The following ARID2 variants were observed in gnomAD, a reference collection of about 807,000 sequenced individuals.
ARID2 encodes the protein AT-rich interactive domain-containing protein 2.
Under a neutral mutation model 184.6 loss-of-function variants are expected in ARID2, and 32 were observed. The observed-to-expected ratio is 0.17, with a 90% CI of 0.13 to 0.23. The LOEUF is 0.23. ARID2 is among the 10% of genes least tolerant of loss of function. The pLI is 1.00. For synonymous variants in ARID2, 836 were observed against 772.6 expected, an observed-to-expected ratio of 1.08 and a Z score of -1.36; for missense variants, 1,696 against 2,197.6, an observed-to-expected ratio of 0.77 and a Z score of 4.56.
intron 3 of ARID2, among the ~76,000 whole-genome samples, chr12:45,808,603 G>A (rs1196222162): frequency 1.3e-5 from 2 of 152,086 alleles, no homozygotes; most frequent in Non-Finnish European, 2.9e-5. Flanking sequence ...AGTATATAGT[G>A]TTGTCAGTTC....
chr12:45,796,474 T>A (rs1942395535), intron 3 of ARID2, among the ~76,000 whole-genome samples: 1 of 151,882 alleles, frequency 6.6e-6, no homozygotes, highest in Non-Finnish European at 1.5e-5. Context: ...TCTATAACGA[T>A]GTCTTTGAAT....
At chr12:45,902,448 TAA>T (rs575799004) in intron 20 of ARID2, among the ~76,000 whole-genome samples, 33 of 152,294 alleles carry the variant, frequency 2.2e-4, no homozygotes, top group African/African-American at 7.9e-4. Context: ...TTTTTGAAAC[TAA>T]AGTCTTTTTT....
rs1044608814 is a variant in ARID2 at position 45,852,139 on chromosome 12, A to T, written c.4016A>T (p.Gln1339Leu). ...ELGENGASGK[Q>L]NSEQIDMQDI... Reference sequence around the variant, plus strand: ...GGTGAGAATGGAGCATCTGGGAAACAGAACTCAGAACAAATAGACATGCAA... The same window carrying T: ...GGTGAGAATGGAGCATCTGGGAAACTGAACTCAGAACAAATAGACATGCAA... The change falls in exon 15 of 21, where the codon CAG (glutamine) becomes CTG (leucine). Residue 1339 changes from glutamine to leucine, a missense_variant. By Grantham distance (113) the Gln-to-Leu change is moderately radical. Transcript: ENST00000334344. 1.2e-6 allele frequency: 2 copies of T among 1,614,056 alleles called. No homozygotes were observed. Among genetic ancestry groups the T allele is most frequent in the African/African-American group, 2.7e-5 (2 of 74,944 alleles).
rs1941329842 is a variant in ARID2, at chr12:45,745,039, T to G, written c.284+13725T>G. On this transcript the variant is annotated intron_variant, in intron 3 of 20. Transcript: ENST00000334344. Reference sequence around the variant, plus strand: ...GCACTCTTTAGAGTTTTAAGCAAACTGTTTGGTGATTTATTGATCAGTTCT... The same window carrying G: ...GCACTCTTTAGAGTTTTAAGCAAACGGTTTGGTGATTTATTGATCAGTTCT... Among the ~76,000 whole-genome samples, 5 of 152,206 alleles carry G rather than the reference T, an allele frequency of 3.3e-5. No individual in the cohort carries two copies. The South Asian group carries it at 1.0e-3, about 32-fold the overall frequency.
chr12:45,831,713 GTTGTTCTACAA>G (rs1343124800), intron 6 of ARID2, among the ~76,000 whole-genome samples: 1 of 152,110 alleles, frequency 6.6e-6, no homozygotes, highest in Non-Finnish European at 1.5e-5. Context: ...GTTCAGTTCA[GTTGTTCTACAA>G]TTTCCTGAGA....
At chr12:45,758,767 C>T (rs1406277702) in intron 3 of ARID2, among the ~76,000 whole-genome samples, 1 of 152,042 alleles carries the variant, frequency 6.6e-6, no homozygotes, top group African/African-American at 2.4e-5. Context: ...GCTAGCAGGG[C>T]AGAGTAAAAG....
At chr12:45,826,029 T>G (rs1942993727) in intron 6 of ARID2, among the ~76,000 whole-genome samples, 1 of 152,136 alleles carries the variant, frequency 6.6e-6, no homozygotes, top group Non-Finnish European at 1.5e-5. Flanking sequence ...GAACTTTTTC[T>G]TTACCTAAGA....
In ARID2 at chr12:45,731,278, C is replaced by G. The variant is rs1225141237; in HGVS notation, c.248C>G (p.Ser83Cys). The change falls in exon 3 of 21, where the codon TCT becomes TGT. Residue 83 changes from serine to cysteine, a missense_variant. Around this residue, in one of 11 missense-constraint regions of ARID2, gnomAD observed 148 missense variants for 285.4 expected, o/e 0.52. Coordinates refer to ENST00000334344, the MANE Select transcript of ARID2 (RefSeq NM_152641.4). The part of the protein sequence containing the change: ...VEEFNFPRSC[S>C]NAAFALKQYY... ...GAGTTCAACTTTCCCAGAAGTTGTT[C>G]TAACGCTGCCTTTGCTTTAAAACAG... The G allele has an allele frequency of 1.2e-6, 2 of 1,614,024 alleles. No homozygotes were observed. Among genetic ancestry groups the G allele is most frequent in the East Asian group, 4.5e-5 (2 of 44,860 alleles).
chr12:45,796,825 AGTGTTATTTGGTAG>A (rs1381907752), intron 3 of ARID2, among the ~76,000 whole-genome samples: 1 of 152,150 alleles, frequency 6.6e-6, no homozygotes, highest in Admixed American at 6.5e-5. Context: ...TTATTTTCTA[AGTGTTATTTGGTAG>A]GAGAAAGATC....
At chr12:45,818,111 A>C (rs962121095) in intron 5 of ARID2, among the ~76,000 whole-genome samples, 1 of 152,092 alleles carries the variant, frequency 6.6e-6, no homozygotes, top group Non-Finnish European at 1.5e-5. Flanking sequence ...CCTGGTTTTT[A>C]AGTTGGAGTA....
At chr12:45,834,392 T>C (rs1055458853) in intron 6 of ARID2, among the ~76,000 whole-genome samples, 1 of 152,206 alleles carries the variant, frequency 6.6e-6, no homozygotes, top group African/African-American at 2.4e-5. Context: ...AGAAAATGTT[T>C]TTATGTCACT....
intron 3 of ARID2, among the ~76,000 whole-genome samples, chr12:45,758,136 C>A (rs892824408): frequency 3.9e-5 from 6 of 152,098 alleles, no homozygotes; most frequent in African/African-American, 1.4e-4. Flanking sequence ...ATATTACATA[C>A]TTTTTTCTTG....
chr12:45,854,581 T>G (rs1013251653), intron 15 of ARID2, among the ~76,000 whole-genome samples: 1 of 152,202 alleles, frequency 6.6e-6, no homozygotes, highest in Non-Finnish European at 1.5e-5. Flanking sequence ...TTTTCTCTTA[T>G]ATTTAATAAT....
chr12:45,762,267 A>C (rs1941697989), intron 3 of ARID2, among the ~76,000 whole-genome samples: 2 of 152,188 alleles, frequency 1.3e-5, no homozygotes, highest in East Asian at 3.9e-4. Flanking sequence ...ATATTTAGAG[A>C]GTGAGAGATG....
intron 10 of ARID2, 106 bp downstream of exon 10, chr12:45,837,813 G>A: frequency 9.9e-7 from 1 of 1,014,878 alleles, no homozygotes; most frequent in Non-Finnish European, 1.4e-6. Flanking sequence ...GTTTTATTTT[G>A]AAGAGTCATT....
At chr12:45,861,694 T>G (rs1383956439) in intron 16 of ARID2, among the ~76,000 whole-genome samples, 1 of 151,698 alleles carries the variant, frequency 6.6e-6, no homozygotes, top group Non-Finnish European at 1.5e-5. Context: ...AAGCAATTCT[T>G]TTGCCTCAGC....
chr12:45,845,576 G>T (rs1943425854), intron 11 of ARID2, among the ~76,000 whole-genome samples: 1 of 152,020 alleles, frequency 6.6e-6, no homozygotes, highest in African/African-American at 2.4e-5. Context: ...AGACTTAAAA[G>T]ATTAAAATAT....
At chr12:45,784,749 TTTTG>T (rs1278894495) in intron 3 of ARID2, among the ~76,000 whole-genome samples, 11 of 152,238 alleles carry the variant, frequency 7.2e-5, no homozygotes, top group Non-Finnish European at 1.5e-5. Context: ...TGTTTGATGG[TTTTG>T]TTTGTGATTG....
rs1025378354 is a variant in ARID2 at position 45,763,557 on chromosome 12, C to G, written c.284+32243C>G. On this transcript the variant is annotated intron_variant, in intron 3 of 20. Transcript: ENST00000334344. The stretch of plus-strand genomic sequence containing the variant: ...TTACTGTTGTTATTGTTTTCAGACA[C>G]AAAGTCTCTGTCACCCAGGCTGCAG... 3.3e-5 allele frequency among the ~76,000 whole-genome samples: 5 copies of G among 151,992 alleles called. No homozygotes were observed. The South Asian group carries it at 1.0e-3, about 31-fold the overall frequency.
Sources: gnomAD v4.1 joint callset for allele counts (sites outside exome capture counted in the v4.1 genomes callset) on GRCh38, gnomAD v4.1.1 for gene constraint, gnomAD v4.1.1 regional missense constraint, MANE v1.5 for transcripts, NCBI Gene and HGNC (gene_info 2026-07-23, HGNC 2026-07-21) for gene names.